TDRD1: variants seen among roughly 807,000 people sequenced by gnomAD.
TDRD1 encodes the protein tudor domain containing 1.
Under a neutral mutation model 140.6 loss-of-function variants are expected in TDRD1, and 37 were observed. The observed-to-expected ratio is 0.26, with a 90% CI of 0.20 to 0.35. TDRD1 has a LOEUF of 0.35. Among genes scored for constraint, TDRD1 ranks in the 10% least tolerant of loss-of-function variants. The pLI, the probability that TDRD1 is intolerant of heterozygous loss-of-function variation, is 1.00. For synonymous variants in TDRD1, 506 were observed against 475.7 expected (o/e 1.06, Z -0.83); for missense variants, 1,243 against 1,393.0 (o/e 0.89, Z 1.71).
chr10:114,215,967 G>C (rs551502902), intron 16 of TDRD1, among the ~76,000 whole-genome samples: 1 of 151,874 alleles, frequency 6.6e-6, no homozygotes, highest in East Asian at 1.9e-4. Flanking sequence ...AGTAATTTTT[G>C]CATTTTTTCT....
exon 10 of TDRD1, chr10:114,204,836 G>A (rs909451021): frequency 1.5e-5 from 24 of 1,597,274 alleles, no homozygotes; most frequent in African/African-American, 2.7e-5. Context: ...AAAGATTGTC[G>A]ACATCTTGGA....
exon 8 of TDRD1, chr10:114,203,520 A>G: frequency 6.2e-7 from 1 of 1,613,156 alleles, no homozygotes; most frequent in Non-Finnish European, 8.5e-7. Context: ...AAAAGACTAT[A>G]TTCCTGTTAA....
chr10:114,203,012 A>G (rs984408297), intron 6 of TDRD1, 60 bp from the exon 7 acceptor site: 4 of 1,127,460 alleles, frequency 3.5e-6, no homozygotes, highest in Admixed American at 1.7e-5. Context: ...TGTAGTGGCC[A>G]TAGAATCATT....
At chr10:114,206,412 G>A (rs2035105411) in intron 11 of TDRD1, 82 bp downstream of exon 11, 1 of 1,070,160 alleles carries the variant, frequency 9.3e-7, no homozygotes, top group African/African-American at 1.6e-5. Context: ...CACAACTTTA[G>A]CACTGTTAAG....
At chr10:114,213,301 A>G (rs2035605595) in intron 14 of TDRD1, 45 bp from the exon 15 acceptor site, 2 of 1,566,894 alleles carry the variant, frequency 1.3e-6, no homozygotes. Context: ...AAATTTCTAA[A>G]TGCTTTCAGA....
At chr10:114,213,285 G>A in intron 14 of TDRD1, 61 bp from the exon 15 acceptor site, 1 of 1,500,104 alleles carries the variant, frequency 6.7e-7, no homozygotes, top group Non-Finnish European at 9.1e-7. Flanking sequence ...GGGGAAATTA[G>A]GAGCTAAATT....
intron 1 of TDRD1, among the ~76,000 whole-genome samples, chr10:114,181,446 A>T (rs903307486): frequency 2.6e-5 from 4 of 152,216 alleles, no homozygotes; most frequent in African/African-American, 9.6e-5. Context: ...TGAGGTTGGG[A>T]ATCACAGTAT....
At chr10:114,217,642 T>C in exon 17 of TDRD1, 1 of 1,594,350 alleles carries the variant, frequency 6.3e-7, no homozygotes, top group African/African-American at 1.3e-5. Flanking sequence ...AACCTTGTTG[T>C]GCTTTTTTTG....
At chr10:114,204,664 TA>T in intron 9 of TDRD1, 57 bp from the exon 10 acceptor site, 13 of 1,495,382 alleles carry the variant, frequency 8.7e-6, no homozygotes, top group Non-Finnish European at 1.2e-5. Context: ...TACAAATAAT[TA>T]GAAAAAATCA....
At chr10:114,184,596 AC>A (rs1205883937) in intron 1 of TDRD1, among the ~76,000 whole-genome samples, 2 of 152,212 alleles carry the variant, frequency 1.3e-5, no homozygotes, top group African/African-American at 4.8e-5. Context: ...AGTGTCGCTA[AC>A]TGTAGCTGGC....
At chr10:114,204,746 G>A (rs767261816) in exon 10 of TDRD1, 4 of 1,593,850 alleles carry the variant, frequency 2.5e-6, no homozygotes, top group Non-Finnish European at 3.4e-6. Context: ...TGTAGCCAAT[G>A]TTATCCCAGC....
At chr10:114,204,097 A>G (rs764287866) in exon 9 of TDRD1, 14 of 1,606,386 alleles carry the variant, frequency 8.7e-6, no homozygotes, top group Admixed American at 1.7e-5. Context: ...AATCATACAA[A>G]ACGTTGATGT....
chr10:114,199,725 T>A (rs1039532241), intron 4 of TDRD1, among the ~76,000 whole-genome samples: 1 of 152,252 alleles, frequency 6.6e-6, no homozygotes, highest in Non-Finnish European at 1.5e-5. Context: ...GCGTGGACTC[T>A]TTTGTATCAA....
At chr10:114,215,786 A>G (rs2035781620) in intron 16 of TDRD1, among the ~76,000 whole-genome samples, 1 of 152,182 alleles carries the variant, frequency 6.6e-6, no homozygotes, top group South Asian at 2.1e-4. Flanking sequence ...TAAAAATTCT[A>G]AAGATGAAGA....
intron 3 of TDRD1, among the ~76,000 whole-genome samples, chr10:114,192,429 C>T (rs943958450): frequency 3.3e-5 from 5 of 151,008 alleles, no homozygotes; most frequent in Non-Finnish European, 7.4e-5. Context: ...CTCAGCCTCC[C>T]GAGTAGCTGG....
chr10:114,203,666 G>T, intron 8 of TDRD1, 99 bp downstream of exon 8: 1 of 1,082,780 alleles, frequency 9.2e-7, no homozygotes, highest in Non-Finnish European at 1.3e-6. Context: ...AAGGCTTAAA[G>T]CCAGCCTCTG....
chr10:114,207,257 T>C (rs1434022526), intron 11 of TDRD1, among the ~76,000 whole-genome samples: 1 of 152,252 alleles, frequency 6.6e-6, no homozygotes, highest in Non-Finnish European at 1.5e-5. Context: ...AGTGCCGTGG[T>C]TGGACACATC....
At chr10:114,211,827 TG>T in intron 13 of TDRD1, 38 bp from the exon 14 acceptor site, 1 of 1,480,682 alleles carries the variant, frequency 6.8e-7, no homozygotes, top group Non-Finnish European at 8.9e-7. Flanking sequence ...ACATCTACAG[TG>T]GAAAAATCAT....
At chr10:114,201,628 C>A in intron 5 of TDRD1, 113 bp downstream of exon 5, 1 of 772,002 alleles carries the variant, frequency 1.3e-6, no homozygotes, top group Non-Finnish European at 2.1e-6. Flanking sequence ...TTTTCTTAAG[C>A]TCTATAACAA....
Sources: gnomAD v4.1 joint callset for allele counts (sites outside exome capture counted in the v4.1 genomes callset) on GRCh38, gnomAD v4.1.1 for gene constraint, MANE v1.5 for transcripts, NCBI Gene and HGNC (gene_info 2026-07-23, HGNC 2026-07-21) for gene names.